OPA3: variants seen among roughly 807,000 people sequenced by gnomAD.
OPA3 encodes optic atrophy 3 protein.
Under a neutral mutation model 4.0 loss-of-function variants are expected in OPA3, and 6 were observed. The ratio of observed to expected loss-of-function variants is 1.51; its 90% CI spans 0.83 to 2.99. The LOEUF is 2.99. Among genes scored for constraint, OPA3 ranks in the 30% most tolerant of loss-of-function variants. OPA3 has a pLI of 0.00. For missense variants in OPA3, 235 were observed against 256.2 expected, an observed-to-expected ratio of 0.92 and a Z score of 0.56; for synonymous variants, 105 against 117.1, an observed-to-expected ratio of 0.90 and a Z score of 0.67.
At chr19:45,574,160 G>C (rs1292342891) in intron 1 of OPA3, among the ~76,000 whole-genome samples, 2 of 151,174 alleles carry the variant, frequency 1.3e-5, no homozygotes, top group East Asian at 3.9e-4. Context: ...TTGGGAGGCT[G>C]AGGCGGGCGG....
At chr19:45,578,451 T>C (rs1969799974) in intron 1 of OPA3, among the ~76,000 whole-genome samples, 1 of 131,918 alleles carries the variant, frequency 7.6e-6, no homozygotes, top group South Asian at 2.7e-4. Context: ...ACAAGACATC[T>C]CTGAATTCCT....
chr19:45,540,940 A>C (rs1969179509), intron 1 of OPA3, among the ~76,000 whole-genome samples: 1 of 152,172 alleles, frequency 6.6e-6, no homozygotes, highest in African/African-American at 2.4e-5. Flanking sequence ...GGATCCCACC[A>C]AACTCAGGAC....
chr19:45,571,685 T>C (rs2122491565), intron 1 of OPA3, among the ~76,000 whole-genome samples: 1 of 152,234 alleles, frequency 6.6e-6, no homozygotes, highest in South Asian at 2.1e-4. Context: ...CTGCTAAAAA[T>C]AAACACGTCC....
chr19:45,563,325 A>G (rs1037014191), intron 1 of OPA3, among the ~76,000 whole-genome samples: 1 of 151,696 alleles, frequency 6.6e-6, no homozygotes, highest in African/African-American at 2.4e-5. Flanking sequence ...ATGCCCAGCT[A>G]ATTTTTGTAT....
chr19:45,576,547 C>CCCCCA (rs1555735885), intron 1 of OPA3, among the ~76,000 whole-genome samples: 2 of 113,282 alleles, frequency 1.8e-5, no homozygotes, highest in African/African-American at 6.1e-5. Context: ...CCCCCCCCCC[C>CCCCCA]AAAAAAAAAA....
At position 45,553,032 on chromosome 19, in the gene OPA3, A is replaced by G. The variant is rs1013344070; in HGVS notation, c.*482T>C. On this transcript the variant is annotated 3_prime_UTR_variant, in exon 2 of 2. Transcript: ENST00000263275. ...GATGCTCAGCTAGAGCTGACCTTAG[A>G]AGGTGAGGGGGAGAAAAGGCCACTG... is the stretch of plus-strand genomic sequence containing the variant. 6 of 1,021,370 alleles carry G rather than the reference A, an allele frequency of 5.9e-6. No homozygotes were observed. The Admixed American group carries it at 1.6e-4, about 26-fold the overall frequency. 63.3% of individuals were successfully genotyped at this position (1,021,370 alleles called of 1,614,324 possible).
At chr19:45,580,996 C>G (rs949832642) in intron 1 of OPA3, among the ~76,000 whole-genome samples, 8 of 152,162 alleles carry the variant, frequency 5.3e-5, no homozygotes, top group African/African-American at 1.9e-4. Context: ...CAAACTGGGT[C>G]TAGGAATTCA....
downstream of OPA3, among the ~76,000 whole-genome samples, chr19:45,541,314 G>A (rs765455344): frequency 6.6e-6 from 1 of 152,116 alleles, no homozygotes; most frequent in South Asian, 2.1e-4. Flanking sequence ...TTATGGAAAA[G>A]CCACTAGATT....
intron 1 of OPA3, among the ~76,000 whole-genome samples, chr19:45,538,439 G>A (rs1969146943): frequency 6.6e-6 from 1 of 152,130 alleles, no homozygotes. Flanking sequence ...AGCAAGTGAG[G>A]CCAGGCACGG....
At chr19:45,560,290 C>T (rs893667904) in intron 1 of OPA3, among the ~76,000 whole-genome samples, 2 of 152,156 alleles carry the variant, frequency 1.3e-5, no homozygotes, top group Admixed American at 1.3e-4. Flanking sequence ...TGAGCTCTGA[C>T]TGCTCTGGGT....
chr19:45,572,800 T>TCATACTATATATATAGATATATATAG, intron 1 of OPA3, among the ~76,000 whole-genome samples: 1 of 116,640 alleles, frequency 8.6e-6, no homozygotes, highest in Non-Finnish European at 1.7e-5. Flanking sequence ...GATATATATA[T>TCATACTATATATATAGATATATATAG]CATACTATAT....
intron 1 of OPA3, among the ~76,000 whole-genome samples, chr19:45,582,279 C>T (rs1376353395): frequency 6.6e-6 from 1 of 151,922 alleles, no homozygotes; most frequent in Non-Finnish European, 1.5e-5. Flanking sequence ...CATGCTCCAG[C>T]CTCCCGAGTA....
At chr19:45,534,192 C>A (rs1043947430) in intron 1 of OPA3, among the ~76,000 whole-genome samples, 1 of 152,170 alleles carries the variant, frequency 6.6e-6, no homozygotes, top group African/African-American at 2.4e-5. Context: ...GCCATTAACC[C>A]CCTCCAAGGG....
downstream of OPA3, among the ~76,000 whole-genome samples, chr19:45,546,058 A>G (rs1969245057): frequency 6.6e-6 from 1 of 152,134 alleles, no homozygotes; most frequent in Non-Finnish European, 1.5e-5. Context: ...GAAGTTGCCC[A>G]TCACACATAA....
intron 1 of OPA3, among the ~76,000 whole-genome samples, chr19:45,556,614 T>A (rs1323760686): frequency 1.3e-5 from 2 of 152,126 alleles, no homozygotes; most frequent in Non-Finnish European, 2.9e-5. Flanking sequence ...TGCCTCAGCC[T>A]CCCAAAGTAC....
intron 1 of OPA3, among the ~76,000 whole-genome samples, chr19:45,570,135 T>C (rs1174660606): frequency 3.3e-5 from 5 of 152,132 alleles, no homozygotes; most frequent in Admixed American, 6.6e-5. Flanking sequence ...CGCAAGTAGA[T>C]TCCCTGGGAT....
chr19:45,577,005 C>T (rs995370824), intron 1 of OPA3, among the ~76,000 whole-genome samples: 7 of 152,166 alleles, frequency 4.6e-5, no homozygotes, highest in African/African-American at 1.7e-4. Flanking sequence ...CACAGATGAG[C>T]TGGAATTTTC....
At chr19:45,542,242 C>T (rs1258118030), downstream of OPA3, among the ~76,000 whole-genome samples, 1 of 146,450 alleles carries the variant, frequency 6.8e-6, no homozygotes, top group East Asian at 2.1e-4. Context: ...AGAGCTGCAA[C>T]AGCCTGAGTC....
exon 2 of OPA3, chr19:45,528,166 T>C (rs1969014512): frequency 6.6e-6 from 1 of 152,472 alleles, no homozygotes; most frequent in South Asian, 2.1e-4. Context: ...TAGCAGTAGG[T>C]CCAGGACTGG....
Sources: gnomAD v4.1 joint callset for allele counts (sites outside exome capture counted in the v4.1 genomes callset) on GRCh38, gnomAD v4.1.1 for gene constraint, MANE v1.5 for transcripts, NCBI Gene and HGNC (gene_info 2026-07-23, HGNC 2026-07-21) for gene names.